GRM7: variants seen among roughly 807,000 people sequenced by gnomAD.
GRM7 encodes the protein metabotropic glutamate receptor 7.
A neutral mutation model predicts 84.5 loss-of-function variants in GRM7; 35 were observed. The ratio of observed to expected loss-of-function variants is 0.41; its 90% CI spans 0.32 to 0.55. The LOEUF (loss-of-function observed/expected upper bound fraction) is 0.55, where lower values mean the gene tolerates loss of function less well. GRM7 is among the 20% of genes least tolerant of loss of function. The pLI is 0.19. For synonymous variants in GRM7, 487 were observed against 455.1 expected (o/e 1.07, Z -0.89); for missense variants, 1,003 against 1,194.6 (o/e 0.84, Z 2.36).
At chr3:7,257,784 C>G (rs961965900) in intron 2 of GRM7, among the ~76,000 whole-genome samples, 1 of 152,162 alleles carries the variant, frequency 6.6e-6, no homozygotes, top group Admixed American at 6.5e-5. Context: ...TACATGATCT[C>G]GTGAATCTTT....
At chr3:7,473,949 T>G (rs1185643512) in intron 7 of GRM7, among the ~76,000 whole-genome samples, 5 of 152,190 alleles carry the variant, frequency 3.3e-5, no homozygotes, top group Non-Finnish European at 5.9e-5. Context: ...GTTTCCTTCA[T>G]GCTATTTAGC....
chr3:7,146,524 G>A lies in GRM7; in HGVS notation c.592G>A (p.Val198Met), dbSNP rs1461844232. 15 of 1,613,864 alleles carry A rather than the reference G, an allele frequency of 9.3e-6. No homozygotes were observed. Among genetic ancestry groups the A allele is most frequent in the Admixed American group, 3.3e-5 (2 of 59,986 alleles). Residue 198 changes from valine to methionine, a missense_variant, in exon 2 of 10, where the codon GTG becomes ATG. Physicochemically the swap from Val to Met is conservative, Grantham distance 21 (BLOSUM62 1). Around this residue, in one of 2 missense-constraint regions of GRM7, gnomAD observed 910 missense variants for 1,126.0 expected, o/e 0.81. Coordinates refer to ENST00000357716, the MANE Select transcript of GRM7 (RefSeq NM_000844.4). ...DDRRYDFFSR[V>M]VPPDSFQAQA... is the part of the protein sequence containing the mutation. ...CCGGCGCTATGACTTCTTCTCTCGC[G>A]TGGTGCCACCCGATTCCTTCCAAGC...
In GRM7 at chr3:6,862,783, T is replaced by C; in HGVS notation, c.519+876T>C. The C allele has an allele frequency of 3.1e-6, 1 of 320,350 alleles. No homozygotes were observed. The highest frequency in any genetic ancestry group is 2.3e-5 in the South Asian group (1 of 44,194). The allele number at this position is 320,350 out of a possible 1,614,324, so 19.8% of individuals were successfully genotyped here. ...CAGACCCCAAGCCAAATCCTCGGCT[T>C]GGAGGACGATTCCCGGAGCGAGGCA... On this transcript the variant is annotated intron_variant, in intron 1 of 9. Transcript: ENST00000357716. The surrounding 1 kb of genome is among the most constrained non-coding windows in gnomAD (Gnocchi z 5.2).
chr3:7,390,702 T>A (rs1011964923), intron 4 of GRM7, among the ~76,000 whole-genome samples: 8 of 152,196 alleles, frequency 5.3e-5, no homozygotes, highest in African/African-American at 1.9e-4. Context: ...TTCCAGAAGT[T>A]CTGTTTAGCT....
chr3:6,892,564 A>T (rs1333044763), intron 1 of GRM7: 1 of 152,188 alleles, frequency 6.6e-6, no homozygotes, highest in Admixed American at 6.5e-5. Flanking sequence ...TATTCCTGTC[A>T]GGGACAAGAG....
chr3:7,076,615 T>C (rs1574869053), intron 1 of GRM7, among the ~76,000 whole-genome samples: 1 of 152,138 alleles, frequency 6.6e-6, no homozygotes, highest in African/African-American at 2.4e-5. Flanking sequence ...GGTATCCTTA[T>C]AGCACTGTGA....
At chr3:7,535,100 T>A (rs1182215819) in intron 7 of GRM7, 1 of 152,156 alleles carries the variant, frequency 6.6e-6, no homozygotes, top group African/African-American at 2.4e-5. Context: ...CATTTCTTCC[T>A]ATGTGTCTTT....
At chr3:7,643,673 G>T (rs1004617130) in intron 8 of GRM7, among the ~76,000 whole-genome samples, 1 of 151,972 alleles carries the variant, frequency 6.6e-6, no homozygotes, top group African/African-American at 2.4e-5. Flanking sequence ...GGATTGTGTG[G>T]CAGGGGTCAG....
chr3:7,673,277 G>A (rs1699995669), intron 8 of GRM7, among the ~76,000 whole-genome samples: 1 of 152,112 alleles, frequency 6.6e-6, no homozygotes, highest in African/African-American at 2.4e-5. Context: ...AGTGCTAAAT[G>A]CCAAGAATAT....
intron 1 of GRM7, among the ~76,000 whole-genome samples, chr3:6,973,785 A>C (rs1015375107): frequency 4.6e-5 from 7 of 152,198 alleles, no homozygotes; most frequent in African/African-American, 1.7e-4. Flanking sequence ...GAGCTAAGGG[A>C]ATGTGAAAGG....
Position 7,078,854 on chromosome 3 carries a change from T to G in GRM7, c.520-67598T>G, listed in dbSNP as rs554056629. ...GAGTCCTTTTGGAACTCTGAGTTTG[T>G]TTTTTTTTTTTCATTTCTTTGCTGT... On this transcript the variant is annotated intron_variant, in intron 1 of 9. Transcript: ENST00000357716. Among the ~76,000 whole-genome samples, 50 of 78,598 alleles carry G rather than the reference T, an allele frequency of 6.4e-4. 1 individual carries two copies. Among genetic ancestry groups the G allele is most frequent in the African/African-American group, 3.8e-3 (50 of 13,260 alleles). 51.6% of individuals were successfully genotyped at this position (78,598 alleles called of 152,430 possible). A position where few individuals can be genotyped will look rare whatever the true frequency, so the allele number is the denominator to read the frequency against.
chr3:7,608,566 T>C (rs1009374587), intron 8 of GRM7, among the ~76,000 whole-genome samples: 7 of 152,138 alleles, frequency 4.6e-5, no homozygotes, highest in Non-Finnish European at 8.8e-5. Context: ...CACTTTATAA[T>C]AGGGTTTTTT....
chr3:7,667,784 ACT>A (rs894807805), intron 8 of GRM7, among the ~76,000 whole-genome samples: 1 of 151,712 alleles, frequency 6.6e-6, no homozygotes, highest in Non-Finnish European at 1.5e-5. Flanking sequence ...TTTCTTTAAA[ACT>A]CTAGGAGAAA....
intron 1 of GRM7, among the ~76,000 whole-genome samples, chr3:7,012,857 C>T (rs1018861130): frequency 6.6e-6 from 1 of 152,194 alleles, no homozygotes; most frequent in African/African-American, 2.4e-5. Context: ...CATCCTACCT[C>T]AGCCCCTTGA....
chr3:7,572,732 G>C (rs1694735908), intron 7 of GRM7, among the ~76,000 whole-genome samples: 1 of 149,436 alleles, frequency 6.7e-6, no homozygotes, highest in African/African-American at 2.5e-5. Context: ...TGAGGCAGGA[G>C]AATGGTGTGA....
chr3:6,864,991 C>T (rs1020010132), intron 1 of GRM7, among the ~76,000 whole-genome samples: 3 of 152,294 alleles, frequency 2.0e-5, no homozygotes, highest in African/African-American at 2.4e-5. Flanking sequence ...TGGGTTAGTA[C>T]GATGACATGT....
intron 2 of GRM7, among the ~76,000 whole-genome samples, chr3:7,169,072 C>T (rs889431475): frequency 5.3e-5 from 8 of 152,184 alleles, no homozygotes; most frequent in Non-Finnish European, 1.2e-4. Context: ...GCCTCCCTCA[C>T]CTGACCCAAT....
intron 1 of GRM7, among the ~76,000 whole-genome samples, chr3:6,880,460 G>T (rs1311536924): frequency 6.6e-6 from 1 of 152,270 alleles, no homozygotes; most frequent in African/African-American, 2.4e-5. Flanking sequence ...GTCCTGGCGG[G>T]CTTTAGAAAC....
chr3:7,250,042 C>T (rs949968683), intron 2 of GRM7, among the ~76,000 whole-genome samples: 4 of 152,170 alleles, frequency 2.6e-5, no homozygotes, highest in African/African-American at 2.4e-5. Flanking sequence ...GCACGGTCCC[C>T]GCCCCTCATG....
Sources: allele counts gnomAD v4.1 joint callset (sites outside exome capture counted in the v4.1 genomes callset), GRCh38; gene constraint gnomAD v4.1.1; regional missense constraint gnomAD v4.1.1; non-coding constraint Gnocchi (gnomAD v3.1); transcripts MANE v1.5; gene names NCBI Gene and HGNC (gene_info 2026-07-23, HGNC 2026-07-21).